Variants in COBL observed in about 807,000 individuals in gnomAD.
COBL encodes the protein cordon-bleu WH2 repeat protein.
A neutral mutation model predicts 98.8 loss-of-function variants in COBL; 51 were observed. That is an observed-to-expected ratio of 0.52 (90% CI 0.41 to 0.65). COBL has a LOEUF of 0.65. COBL is among the 30% of genes least tolerant of loss of function. The pLI, the probability that COBL is intolerant of heterozygous loss-of-function variation, is 0.00. For synonymous variants in COBL, 634 were observed against 651.7 expected, an observed-to-expected ratio of 0.97 and a Z score of 0.41; for missense variants, 1,617 against 1,617.5, an observed-to-expected ratio of 1.00 and a Z score of 0.01.
At position 51,113,960 on chromosome 7, in the gene COBL, G is replaced by A. The variant is rs192608576; in HGVS notation, c.957+22198C>T. Reference sequence around the variant, plus strand: ...GCCCTCTATAGTTACAGGCCAAATGGTGGCCTTGGGAAATGTGCGTGTTTT... The same window carrying A: ...GCCCTCTATAGTTACAGGCCAAATGATGGCCTTGGGAAATGTGCGTGTTTT... On this transcript the variant is annotated intron_variant, in intron 6 of 12. Transcript: ENST00000265136. Among the ~76,000 whole-genome samples the A allele has an allele frequency of 7.7e-4, 118 of 152,316 alleles. 1 individual carries two copies. The highest frequency in any genetic ancestry group is 6.8e-4 in the Non-Finnish European group (46 of 68,026).
chr7:51,233,515 T>A (rs898746181), intron 1 of COBL, among the ~76,000 whole-genome samples: 1 of 152,192 alleles, frequency 6.6e-6, no homozygotes, highest in Non-Finnish European at 1.5e-5. Context: ...AGACAAAAAC[T>A]GCAGAGCGAG....
intron 5 of COBL, among the ~76,000 whole-genome samples, chr7:51,139,835 A>G (rs1799570841): frequency 6.6e-6 from 1 of 152,122 alleles, no homozygotes. Flanking sequence ...GAAAACCAAG[A>G]GCTTAATGCA....
intron 1 of COBL, among the ~76,000 whole-genome samples, chr7:51,307,543 A>C (rs545530038): frequency 6.6e-6 from 1 of 152,330 alleles, no homozygotes; most frequent in African/African-American, 2.4e-5. Context: ...AGTCCTTGCA[A>C]AGAACATTTT....
intron 1 of COBL, among the ~76,000 whole-genome samples, chr7:51,284,212 A>C (rs1800087757): frequency 6.7e-6 from 1 of 149,792 alleles, no homozygotes; most frequent in Non-Finnish European, 1.5e-5. Flanking sequence ...GAGGCAGGAG[A>C]ATGGTGTGAA....
At chr7:51,222,026 A>G (rs989867087) in intron 1 of COBL, among the ~76,000 whole-genome samples, 1 of 152,040 alleles carries the variant, frequency 6.6e-6, no homozygotes, top group Non-Finnish European at 1.5e-5. Flanking sequence ...TGTCTCTACT[A>G]AAAATACAAA....
At chr7:51,266,606 A>C (rs1489968844) in intron 1 of COBL, among the ~76,000 whole-genome samples, 1 of 152,134 alleles carries the variant, frequency 6.6e-6, no homozygotes, top group Non-Finnish European at 1.5e-5. Context: ...AGATCAACTG[A>C]TTCTTATTTT....
intron 7 of COBL, among the ~76,000 whole-genome samples, chr7:51,080,833 C>T (rs1246738702): frequency 6.6e-6 from 1 of 152,152 alleles, no homozygotes; most frequent in Non-Finnish European, 1.5e-5. Context: ...AGCACTCAGG[C>T]GCCAACAGCC....
At chr7:51,065,046 T>A in intron 7 of COBL, 1 of 632,624 alleles carries the variant, frequency 1.6e-6, no homozygotes, top group Non-Finnish European at 2.9e-6. Context: ...TGAATAACAC[T>A]GATTTCAGGA....
At chr7:51,049,713 G>T (rs959731249) in intron 7 of COBL, among the ~76,000 whole-genome samples, 1 of 152,164 alleles carries the variant, frequency 6.6e-6, no homozygotes, top group Non-Finnish European at 1.5e-5. Context: ...CAAAAGATGG[G>T]AAAAAGCAGA....
At chr7:51,148,785 G>A (rs538850188) in intron 5 of COBL, among the ~76,000 whole-genome samples, 18 of 152,256 alleles carry the variant, frequency 1.2e-4, no homozygotes, top group African/African-American at 4.3e-4. Context: ...GTGGGGTGCT[G>A]GCAGCGGGGG....
At chr7:51,055,543 G>A (rs1790660318) in intron 7 of COBL, among the ~76,000 whole-genome samples, 1 of 152,164 alleles carries the variant, frequency 6.6e-6, no homozygotes, top group Non-Finnish European at 1.5e-5. Flanking sequence ...TCTTGCACTT[G>A]GCCCGTGTCA....
At chr7:51,298,017 T>C (rs1801581845) in intron 1 of COBL, among the ~76,000 whole-genome samples, 1 of 152,308 alleles carries the variant, frequency 6.6e-6, no homozygotes, top group Non-Finnish European at 1.5e-5. Context: ...GTGACTTGCT[T>C]CTGACAAAGT....
intron 2 of COBL, among the ~76,000 whole-genome samples, chr7:51,198,550 T>C (rs1003652698): frequency 6.6e-6 from 1 of 152,244 alleles, no homozygotes; most frequent in Non-Finnish European, 1.5e-5. Flanking sequence ...TACATTTTCC[T>C]AGCAGAATGT....
chr7:51,203,242 C>A lies in COBL; in HGVS notation c.246-9653G>T, dbSNP rs1161822191. ...TCTTGGGAGGCCGAGGCGGGCGGAT[C>A]ACGAGGTCAGGAGATCGAGACCATC... On this transcript the variant is annotated intron_variant, in intron 2 of 12. Coordinates refer to ENST00000265136, the MANE Select transcript of COBL (RefSeq NM_015198.5). Among the ~76,000 whole-genome samples, 16 of 115,652 alleles carry A rather than the reference C, an allele frequency of 1.4e-4. 1 individual carries two copies. Among genetic ancestry groups the A allele is most frequent in the Admixed American group, 4.1e-4 (5 of 12,326 alleles). 75.9% of individuals were successfully genotyped at this position (115,652 alleles called of 152,430 possible).
intron 2 of COBL, among the ~76,000 whole-genome samples, chr7:51,209,972 A>C (rs1158785409): frequency 6.6e-6 from 1 of 152,226 alleles, no homozygotes; most frequent in Non-Finnish European, 1.5e-5. Context: ...GGGGCTCCAC[A>C]GCTTTTCCCC....
chr7:51,185,872 A>G (rs150612651), intron 4 of COBL, among the ~76,000 whole-genome samples: 1 of 152,370 alleles, frequency 6.6e-6, no homozygotes, highest in Non-Finnish European at 1.5e-5. Flanking sequence ...ACAGCAAAGC[A>G]AAAACCCAGC....
chr7:51,059,272 G>A (rs1384973113), intron 7 of COBL, among the ~76,000 whole-genome samples: 3 of 152,128 alleles, frequency 2.0e-5, no homozygotes, highest in African/African-American at 7.2e-5. Context: ...TCTTTATTTC[G>A]ATGTTTTGGT....
chr7:51,119,879 G>A (rs1797595781), intron 6 of COBL, among the ~76,000 whole-genome samples: 1 of 152,136 alleles, frequency 6.6e-6, no homozygotes, highest in African/African-American at 2.4e-5. Context: ...TAAGGAAATA[G>A]AACTCAGAAA....
At chr7:51,079,838 C>G (rs949303067) in intron 7 of COBL, among the ~76,000 whole-genome samples, 1 of 152,262 alleles carries the variant, frequency 6.6e-6, no homozygotes, top group Non-Finnish European at 1.5e-5. Context: ...CTTCTGAACT[C>G]TTGATACAAA....
Sources: gnomAD v4.1 joint callset for allele counts (sites outside exome capture counted in the v4.1 genomes callset) on GRCh38, gnomAD v4.1.1 for gene constraint, MANE v1.5 for transcripts, NCBI Gene and HGNC (gene_info 2026-07-23, HGNC 2026-07-21) for gene names.